The following CSRNP3 variants were observed in gnomAD, a reference collection of about 807,000 sequenced individuals.
The protein encoded by CSRNP3 is cysteine and serine rich nuclear protein 3.
CSRNP3 carries 12 observed loss-of-function variants against 48.0 expected under a neutral mutation model. The observed-to-expected ratio is 0.25, with a 90% CI of 0.16 to 0.41. CSRNP3 has a LOEUF of 0.41. CSRNP3 is among the 10% of genes least tolerant of loss of function. The pLI is 1.00. For missense variants in CSRNP3, 580 were observed against 724.4 expected (o/e 0.80, Z 2.29); for synonymous variants, 263 against 269.7 (o/e 0.98, Z 0.24).
chr2:165,566,058 C>G (rs1685292672), intron 3 of CSRNP3, among the ~76,000 whole-genome samples: 2 of 151,868 alleles, frequency 1.3e-5, no homozygotes, highest in African/African-American at 4.8e-5. Context: ...TCTTCCAAAC[C>G]CTCTGTCAAA....
At chr2:165,582,963 ATATT>A (rs1455799468) in intron 3 of CSRNP3, among the ~76,000 whole-genome samples, 1 of 152,200 alleles carries the variant, frequency 6.6e-6, no homozygotes, top group Non-Finnish European at 1.5e-5. Context: ...TCCAACAAAA[ATATT>A]TATTAGCCAG....
At chr2:165,528,043 A>G (rs572797310) in intron 3 of CSRNP3, among the ~76,000 whole-genome samples, 126 of 152,316 alleles carry the variant, frequency 8.3e-4, no homozygotes, top group African/African-American at 2.9e-3. Flanking sequence ...ACAGTAGTCA[A>G]AGAAATAGAA....
At chr2:165,512,840 C>G (rs762351586) in intron 2 of CSRNP3, among the ~76,000 whole-genome samples, 1 of 152,218 alleles carries the variant, frequency 6.6e-6, no homozygotes, top group Non-Finnish European at 1.5e-5. Context: ...CATGGCGGCT[C>G]ACGCCTGTAA....
At chr2:165,619,947 A>G (rs1007479643) in intron 4 of CSRNP3, among the ~76,000 whole-genome samples, 6 of 152,166 alleles carry the variant, frequency 3.9e-5, no homozygotes, top group Non-Finnish European at 7.4e-5. Flanking sequence ...CAAAAGGAAA[A>G]TTCTGAGACG....
intron 4 of CSRNP3, among the ~76,000 whole-genome samples, chr2:165,629,220 C>CG (rs1261391911): frequency 2.6e-5 from 4 of 152,234 alleles, no homozygotes; most frequent in African/African-American, 9.7e-5. Flanking sequence ...GGGAAATAGT[C>CG]TGTGCTCCAC....
intron 5 of CSRNP3, among the ~76,000 whole-genome samples, chr2:165,667,657 C>G (rs1687257849): frequency 6.6e-6 from 1 of 152,148 alleles, no homozygotes. Flanking sequence ...CCTGACATGC[C>G]TGTTCTCACA....
chr2:165,615,441 G>A (rs1686221923), intron 4 of CSRNP3, among the ~76,000 whole-genome samples: 1 of 151,844 alleles, frequency 6.6e-6, no homozygotes, highest in African/African-American at 2.4e-5. Context: ...TACTCAGGAG[G>A]TTGAGGCAGG....
intron 4 of CSRNP3, among the ~76,000 whole-genome samples, chr2:165,620,584 T>A (rs1246558421): frequency 6.6e-6 from 1 of 152,160 alleles, no homozygotes; most frequent in Non-Finnish European, 1.5e-5. Flanking sequence ...CTCACAGATG[T>A]CTCTTTCATT....
intron 5 of CSRNP3, among the ~76,000 whole-genome samples, chr2:165,666,146 G>T (rs1465950239): frequency 1.5e-5 from 2 of 134,264 alleles, no homozygotes; most frequent in African/African-American, 2.8e-5. Context: ...AGGAAGGAAA[G>T]AGAGAGGAAG....
At chr2:165,595,000 G>A (rs755492321) in intron 3 of CSRNP3, 43 bp from the exon 4 acceptor site, 148 of 1,573,650 alleles carry the variant, frequency 9.4e-5, no homozygotes, top group Non-Finnish European at 1.2e-4. Flanking sequence ...CACGTTCAGC[G>A]GTCAAATATT....
In CSRNP3 at chr2:165,548,913, C is replaced by G. The variant is rs535980910; in HGVS notation, c.-24+30952C>G. 2.0e-5 allele frequency among the ~76,000 whole-genome samples: 3 copies of G among 151,540 alleles called. 1 individual carries two copies. Among genetic ancestry groups the G allele is most frequent in the Admixed American group, 6.6e-5 (1 of 15,206 alleles). Reference sequence around the variant, plus strand: ...AACTACTCCTTTAGGAATTTCTATTCTAGTCTGGATAAAAAGAATTAACAA... The same window carrying G: ...AACTACTCCTTTAGGAATTTCTATTGTAGTCTGGATAAAAAGAATTAACAA... On this transcript the variant is annotated intron_variant, in intron 3 of 6. Transcript: ENST00000651982.
chr2:165,610,046 A>G (rs2105309208), intron 4 of CSRNP3, among the ~76,000 whole-genome samples: 1 of 152,310 alleles, frequency 6.6e-6, no homozygotes, highest in Middle Eastern at 3.4e-3. Context: ...TAAACATTCA[A>G]TGGGAGGGAC....
At chr2:165,659,950 G>A (rs1212932899) in intron 5 of CSRNP3, among the ~76,000 whole-genome samples, 1 of 152,152 alleles carries the variant, frequency 6.6e-6, no homozygotes, top group East Asian at 1.9e-4. Flanking sequence ...CTAGCTTAGA[G>A]CATGTCTCTT....
chr2:165,650,710 T>G (rs995835460), intron 4 of CSRNP3, among the ~76,000 whole-genome samples: 1 of 152,156 alleles, frequency 6.6e-6, no homozygotes, highest in African/African-American at 2.4e-5. Context: ...AAACACAAAT[T>G]TTCATTGCCC....
intron 4 of CSRNP3, among the ~76,000 whole-genome samples, chr2:165,654,197 A>G (rs1686965674): frequency 6.6e-6 from 1 of 152,084 alleles, no homozygotes; most frequent in South Asian, 2.1e-4. Context: ...AATGTATGAG[A>G]TTGTTGGATT....
chr2:165,622,456 G>A (rs989905552), intron 4 of CSRNP3, among the ~76,000 whole-genome samples: 1 of 152,100 alleles, frequency 6.6e-6, no homozygotes, highest in African/African-American at 2.4e-5. Context: ...TATAGTTTAT[G>A]TTTAAGCATA....
chr2:165,679,727 C>G lies in CSRNP3; in HGVS notation c.1732C>G (p.Pro578Ala). 1 of 1,613,692 alleles carries G rather than the reference C, an allele frequency of 6.2e-7. No individual in the cohort carries two copies. Among genetic ancestry groups the G allele is most frequent in the South Asian group, 1.1e-5 (1 of 91,060 alleles). The change falls in exon 7 of 7, where the codon CCC becomes GCC. Residue 578 changes from proline (P) to alanine (A), a missense_variant. By Grantham distance (27) the Pro-to-Ala change is conservative (BLOSUM62 -1). Around this residue, in one of 4 missense-constraint regions of CSRNP3, gnomAD observed 369 missense variants for 380.8 expected, o/e 0.97. Coordinates refer to ENST00000651982, the MANE Select transcript of CSRNP3 (RefSeq NM_001172173.2). ...SILHEECIKS[P>A]VVETVPV ...ATTGCATGAAGAGTGCATCAAATCA[C>G]CCGTGGTTGAGACAGTCCCTGTTTA... is the stretch of plus-strand genomic sequence containing the variant.
chr2:165,591,341 A>G (rs1445638827), intron 3 of CSRNP3, among the ~76,000 whole-genome samples: 2 of 152,252 alleles, frequency 1.3e-5, no homozygotes, highest in Non-Finnish European at 2.9e-5. Context: ...GAAGTAGAGC[A>G]TAAAGGTTGG....
intron 4 of CSRNP3, among the ~76,000 whole-genome samples, chr2:165,634,339 C>CA (rs369187451): frequency 6.6e-6 from 1 of 150,768 alleles, no homozygotes; most frequent in Non-Finnish European, 1.5e-5. Context: ...AGATCCTGTC[C>CA]AAAAAAAGAA....
Sources: gnomAD v4.1 joint callset for allele counts (sites outside exome capture counted in the v4.1 genomes callset) on GRCh38, gnomAD v4.1.1 for gene constraint, gnomAD v4.1.1 regional missense constraint, MANE v1.5 for transcripts, NCBI Gene and HGNC (gene_info 2026-07-23, HGNC 2026-07-21) for gene names.